The following PODXL variants were observed in gnomAD, a reference collection of about 807,000 sequenced individuals.
PODXL encodes the protein podocalyxin like.
In PODXL, 20 loss-of-function variants were observed where a neutral mutation model predicts 48.9. That is an observed-to-expected ratio of 0.41 (90% CI 0.29 to 0.59). The LOEUF (loss-of-function observed/expected upper bound fraction) is 0.59, where lower values mean the gene tolerates loss of function less well. Among genes scored for constraint, PODXL ranks in the 20% least tolerant of loss-of-function variants. The pLI, the probability that PODXL is intolerant of heterozygous loss-of-function variation, is 0.31. For missense variants in PODXL, 606 were observed against 675.1 expected (o/e 0.90, Z 1.13); for synonymous variants, 295 against 287.4 (o/e 1.03, Z -0.27).
rs773044872 is a variant in PODXL, at chr7:131,505,883, G to T, written c.1464C>A (p.Ser488=). Residue 488 remains serine (S), a synonymous_variant, in exon 8 of 9, where the codon TCC becomes TCA. Coordinates refer to ENST00000378555, the MANE Select transcript of PODXL (RefSeq NM_001018111.3). The part of the protein sequence containing the change: ...ALYGCCHQRL[S]QRKDQQRLTE... ...AGCTGCTTACCTGGTCCTTCCTCTG[G>T]GAGAGGCGCTGGTGGCAGCAGCCAT... The T allele has an allele frequency of 6.4e-7, 1 of 1,566,598 alleles. No individual in the cohort carries two copies. The highest frequency in any genetic ancestry group is 2.3e-5 in the East Asian group (1 of 42,864).
At chr7:131,530,252 G>T (rs1423732172) in intron 1 of PODXL, among the ~76,000 whole-genome samples, 1 of 151,734 alleles carries the variant, frequency 6.6e-6, no homozygotes, top group African/African-American at 2.4e-5. Context: ...GGACAGCGAG[G>T]CAGGGTGGCA....
Position 131,526,747 on chromosome 7 carries a change from T to TTTTTTTG in PODXL, c.101-15315_101-15314insCAAAAAA, listed in dbSNP as rs1798193063. On this transcript the variant is annotated intron_variant, in intron 1 of 8. Transcript: ENST00000378555. ...TCCACAACTTCCTTACTCTTTTTTT[T>TTTTTTTG]TTTTTTTTTTTTGAGACGGAGTCTG... Among the ~76,000 whole-genome samples the TTTTTTTG allele has an allele frequency of 5.1e-5, 7 of 138,418 alleles. 1 individual carries two copies. The South Asian group carries it at 1.7e-3, about 34-fold the overall frequency. 90.8% of individuals were successfully genotyped at this position (138,418 alleles called of 152,430 possible). A position where few individuals can be genotyped will look rare whatever the true frequency, so the allele number is the denominator to read the frequency against.
intron 1 of PODXL, among the ~76,000 whole-genome samples, chr7:131,535,616 G>A (rs866525538): frequency 7.2e-5 from 11 of 152,302 alleles, no homozygotes; most frequent in East Asian, 3.9e-4. Context: ...CAACTTTGCC[G>A]TCATGGGCCT....
At chr7:131,519,982 C>T (rs1440675104) in intron 1 of PODXL, among the ~76,000 whole-genome samples, 4 of 152,258 alleles carry the variant, frequency 2.6e-5, no homozygotes, top group South Asian at 2.1e-4. Context: ...GCCTCAGTCT[C>T]CCAAAGTGCT....
In PODXL at chr7:131,509,349, C is replaced by T. The variant is rs1334780386; in HGVS notation, c.1023+16G>A. 6.3e-7 allele frequency: 1 copy of T among 1,599,300 alleles called. No individual in the cohort carries two copies. Among genetic ancestry groups the T allele is most frequent in the Admixed American group, 1.7e-5 (1 of 60,004 alleles). On this transcript the variant is annotated intron_variant, in intron 4 of 8. Coordinates refer to ENST00000378555, the MANE Select transcript of PODXL (RefSeq NM_001018111.3). ...AGTCTGGGTTCTCCTACTTGCCCCACCCCTGCTGGAGTTACCCAGTTACTC... is the reference window on the plus strand; with the variant it reads ...AGTCTGGGTTCTCCTACTTGCCCCATCCCTGCTGGAGTTACCCAGTTACTC...
At chr7:131,544,232 A>G (rs1196039868) in intron 1 of PODXL, among the ~76,000 whole-genome samples, 2 of 152,126 alleles carry the variant, frequency 1.3e-5, no homozygotes, top group Non-Finnish European at 2.9e-5. Flanking sequence ...CACCCACACA[A>G]ATACCCAGCG....
At chr7:131,543,842 C>T (rs934658349) in intron 1 of PODXL, among the ~76,000 whole-genome samples, 2 of 152,170 alleles carry the variant, frequency 1.3e-5, no homozygotes, top group African/African-American at 4.8e-5. Context: ...CACTGCCTGT[C>T]CCCAGAAGCC....
chr7:131,515,951 C>G (rs1797987769), intron 1 of PODXL, among the ~76,000 whole-genome samples: 1 of 152,206 alleles, frequency 6.6e-6, no homozygotes, highest in Non-Finnish European at 1.5e-5. Context: ...AACACAGACT[C>G]TGACCTAGGA....
At chr7:131,542,269 G>C (rs1798495780) in intron 1 of PODXL, among the ~76,000 whole-genome samples, 1 of 152,154 alleles carries the variant, frequency 6.6e-6, no homozygotes, top group Admixed American at 6.5e-5. Flanking sequence ...GCCCAGTCTG[G>C]CTACCCTGCA....
chr7:131,512,531 C>T (rs1206640225), intron 1 of PODXL, among the ~76,000 whole-genome samples: 1 of 152,046 alleles, frequency 6.6e-6, no homozygotes, highest in African/African-American at 2.4e-5. Flanking sequence ...TCTGCAAAGC[C>T]CCCGAGTAGG....
rs1355080906 is a variant in PODXL at position 131,509,557 on chromosome 7, T to C, written c.831A>G (p.Gln277=). 6.4e-7 allele frequency: 1 copy of C among 1,572,008 alleles called. No individual in the cohort carries two copies. Among genetic ancestry groups the C allele is most frequent in the Admixed American group, 1.9e-5 (1 of 53,570 alleles). The change falls in exon 4 of 9, where the codon CAA becomes CAG. Residue 277 remains glutamine, a synonymous_variant. Coordinates refer to ENST00000378555, the MANE Select transcript of PODXL (RefSeq NM_001018111.3). ...TGGCTGGCATCTGACTGGAGGTCTG[T>C]TGAGTTCTTTGCGAGATAACCGATG... ...TASSVISQRT[Q]QTSSQMPASS... is the part of the protein sequence containing the mutation.
intron 1 of PODXL, among the ~76,000 whole-genome samples, chr7:131,534,446 C>G (rs1798337285): frequency 6.6e-6 from 1 of 152,222 alleles, no homozygotes; most frequent in African/African-American, 2.4e-5. Context: ...CGGGGCAAGG[C>G]CGCCACCTGT....
intron 1 of PODXL, among the ~76,000 whole-genome samples, chr7:131,554,552 TGCC>T (rs1429639208): frequency 6.6e-6 from 1 of 152,204 alleles, no homozygotes; most frequent in Non-Finnish European, 1.5e-5. Context: ...TTTCTGGCAG[TGCC>T]CAGGTGCCAG....
Position 131,509,453 on chromosome 7 carries a change from T to C in PODXL, c.935A>G (p.Glu312Gly). 1 of 1,614,088 alleles carries C rather than the reference T, an allele frequency of 6.2e-7. No homozygotes were observed. The highest frequency in any genetic ancestry group is 8.5e-7 in the Non-Finnish European group (1 of 1,180,012). The change falls in exon 4 of 9, where the codon GAG (glutamate) becomes GGG (glycine). Residue 312 changes from glutamate to glycine, a missense_variant. By Grantham distance (98) the Glu-to-Gly change is moderately conservative (BLOSUM62 -2). Transcript: ENST00000378555. ...ATALRTPTLP[E>G]TMSSSPTAAS... is the part of the protein sequence containing the mutation. ...TGCTGTGGGGCTGGAGCTCATGGTC[T>C]CTGGCAGGGTAGGTGTTCTCAATGC...
chr7:131,522,015 G>A (rs1447921789), intron 1 of PODXL, among the ~76,000 whole-genome samples: 4 of 152,210 alleles, frequency 2.6e-5, no homozygotes, highest in South Asian at 2.1e-4. Flanking sequence ...AACCCAGCCC[G>A]AACATCTAGG....
rs1320692259 is a variant in PODXL at position 131,505,910 on chromosome 7, G to A, written c.1437C>T (p.Leu479=). Reference sequence around the variant, plus strand: ...AGAGGCGCTGGTGGCAGCAGCCATAGAGGGCCGCCACGAGGAGCAGGAATG... The same window carrying A: ...AGAGGCGCTGGTGGCAGCAGCCATAAAGGGCCGCCACGAGGAGCAGGAATG... The part of the protein sequence containing the change: ...MASFLLLVAA[L]YGCCHQRLSQ... Residue 479 remains leucine (L), a synonymous_variant, in exon 8 of 9, where the codon CTC becomes CTT. Transcript: ENST00000378555. The A allele has an allele frequency of 8.2e-6, 13 of 1,582,316 alleles. No individual in the cohort carries two copies. The highest frequency in any genetic ancestry group is 1.3e-5 in the African/African-American group (1 of 74,636).
chr7:131,517,748 C>CTT (rs71529710), intron 1 of PODXL, among the ~76,000 whole-genome samples: 4 of 146,884 alleles, frequency 2.7e-5, no homozygotes, highest in South Asian at 4.3e-4. Context: ...TTGCGTAACT[C>CTT]TTTTTTTTTT....
chr7:131,522,014 C>G (rs1195836679), intron 1 of PODXL, among the ~76,000 whole-genome samples: 1 of 152,220 alleles, frequency 6.6e-6, no homozygotes, highest in Admixed American at 6.5e-5. Flanking sequence ...AAACCCAGCC[C>G]GAACATCTAG....
At chr7:131,546,337 T>C (rs1383435613) in intron 1 of PODXL, among the ~76,000 whole-genome samples, 1 of 151,968 alleles carries the variant, frequency 6.6e-6, no homozygotes, top group African/African-American at 2.4e-5. Flanking sequence ...TTTATCCAGG[T>C]AGAAAGAGAG....
Sources: gnomAD v4.1 joint callset for allele counts (sites outside exome capture counted in the v4.1 genomes callset) on GRCh38, gnomAD v4.1.1 for gene constraint, MANE v1.5 for transcripts, NCBI Gene and HGNC (gene_info 2026-07-23, HGNC 2026-07-21) for gene names.